The following CSMD1 variants were observed in gnomAD, a reference collection of about 807,000 sequenced individuals.
CSMD1 encodes CUB and Sushi multiple domains 1, also known as CUB and sushi domain-containing protein 1.
CSMD1 carries 213 observed loss-of-function variants against 417.5 expected under a neutral mutation model. That is an observed-to-expected ratio of 0.51 (90% CI 0.46 to 0.57). The LOEUF is 0.57. Ranked by LOEUF, CSMD1 falls within the 20% of genes least tolerant of loss-of-function variation. CSMD1 has a pLI of 0.00. For synonymous variants in CSMD1, 2,862 were observed against 1,736.8 expected, an observed-to-expected ratio of 1.65 and a Z score of -16.11; for missense variants, 6,923 against 4,529.7, an observed-to-expected ratio of 1.53 and a Z score of -15.17.
chr8:3,306,878 T>TTTAAA (rs1214386839), intron 25 of CSMD1, among the ~76,000 whole-genome samples: 35 of 152,202 alleles, frequency 2.3e-4, no homozygotes, highest in African/African-American at 8.2e-4. Context: ...TTTTTGTTGG[T>TTTAAA]TTAAATAACT....
intron 3 of CSMD1, among the ~76,000 whole-genome samples, chr8:4,345,881 A>G (rs1235732057): frequency 6.6e-6 from 1 of 152,176 alleles, no homozygotes; most frequent in East Asian, 1.9e-4. Context: ...ACAGGCAGAC[A>G]GGTGATGAGT....
intron 12 of CSMD1, among the ~76,000 whole-genome samples, chr8:3,461,492 C>T (rs76910720): frequency 0.034 from 5,191 of 152,280 alleles, 163 homozygotes; most frequent in East Asian, 0.15. Flanking sequence ...CTCACCTCCA[C>T]CCCAGGAGCT....
intron 11 of CSMD1, among the ~76,000 whole-genome samples, chr8:3,474,002 G>A (rs753738041): frequency 9.9e-5 from 15 of 152,060 alleles, no homozygotes; most frequent in Non-Finnish European, 2.1e-4. Context: ...TCACCATTAT[G>A]AGAACAGCAT....
At chr8:4,713,188 T>G (rs1044390934) in intron 1 of CSMD1, among the ~76,000 whole-genome samples, 10 of 152,242 alleles carry the variant, frequency 6.6e-5, no homozygotes. Flanking sequence ...ATTAAATCAT[T>G]ATCAACCATT....
intron 5 of CSMD1, among the ~76,000 whole-genome samples, chr8:3,818,992 G>C (rs1297164824): frequency 6.6e-6 from 1 of 152,194 alleles, no homozygotes; most frequent in African/African-American, 2.4e-5. Context: ...GGGAAAAGCT[G>C]ACATCAATGA....
chr8:3,484,315 A>G (rs1159559731), intron 11 of CSMD1, among the ~76,000 whole-genome samples: 1 of 152,230 alleles, frequency 6.6e-6, no homozygotes, highest in African/African-American at 2.4e-5. Context: ...TGAAGGCAGA[A>G]AAGCAGTTCA....
intron 3 of CSMD1, among the ~76,000 whole-genome samples, chr8:4,203,841 T>G (rs1436752737): frequency 1.3e-5 from 2 of 152,194 alleles, no homozygotes; most frequent in Non-Finnish European, 2.9e-5. Flanking sequence ...GGCTCATACC[T>G]GTAATCCCAG....
At chr8:4,127,863 C>G (rs1802858552) in intron 3 of CSMD1, among the ~76,000 whole-genome samples, 1 of 152,074 alleles carries the variant, frequency 6.6e-6, no homozygotes, top group South Asian at 2.1e-4. Context: ...GATGAAGAAA[C>G]CCAGACACTG....
chr8:3,550,925 T>C (rs1798882556), intron 10 of CSMD1, among the ~76,000 whole-genome samples: 1 of 152,200 alleles, frequency 6.6e-6, no homozygotes, highest in Non-Finnish European at 1.5e-5. Flanking sequence ...CATGCAAATG[T>C]GTCTCTGCTT....
chr8:4,359,486 C>G (rs1369149380), intron 3 of CSMD1, among the ~76,000 whole-genome samples: 1 of 152,172 alleles, frequency 6.6e-6, no homozygotes, highest in Non-Finnish European at 1.5e-5. Flanking sequence ...TGAATCCTTC[C>G]TCTTTGTCTC....
intron 25 of CSMD1, among the ~76,000 whole-genome samples, chr8:3,285,330 A>G (rs1296450333): frequency 6.6e-6 from 1 of 152,114 alleles, no homozygotes; most frequent in East Asian, 1.9e-4. Context: ...AATATAGAGA[A>G]AAGTATAGCA....
intron 1 of CSMD1, among the ~76,000 whole-genome samples, chr8:4,879,518 G>A (rs772406240): frequency 6.6e-6 from 1 of 152,086 alleles, no homozygotes; most frequent in Non-Finnish European, 1.5e-5. Flanking sequence ...ATAAGGGACA[G>A]AAATACATAA....
chr8:3,136,083 C>T (rs1818063608), intron 41 of CSMD1, among the ~76,000 whole-genome samples: 1 of 152,100 alleles, frequency 6.6e-6, no homozygotes, highest in African/African-American at 2.4e-5. Context: ...TGGGGAACAT[C>T]CTGGATCTTT....
Position 3,228,755 on chromosome 8 carries a change from C to G in CSMD1, c.4345+1285G>C, listed in dbSNP as rs570594394. Among the ~76,000 whole-genome samples the G allele has an allele frequency of 2.0e-5, 3 of 151,450 alleles. No individual in the cohort carries two copies. In the East Asian group the frequency reaches 5.8e-4, roughly 29 times the overall value. On this transcript the variant is annotated intron_variant, in intron 27 of 69. Coordinates refer to ENST00000635120, the MANE Select transcript of CSMD1 (RefSeq NM_033225.6). ...TATTGCTTTTTAATGTATTCCTCCA[C>G]GAGCCTAAAAACATGCAAAATGGAA... is the stretch of plus-strand genomic sequence containing the variant.
chr8:4,498,638 C>G (rs111830167), intron 2 of CSMD1, among the ~76,000 whole-genome samples: 3 of 152,232 alleles, frequency 2.0e-5, no homozygotes, highest in Admixed American at 6.5e-5. Flanking sequence ...AAAGTTACTT[C>G]TTTCTAATTT....
intron 12 of CSMD1, among the ~76,000 whole-genome samples, chr8:3,443,570 C>T (rs28438564): frequency 0.12 from 18,007 of 152,166 alleles, 1,122 homozygotes; most frequent in Middle Eastern, 0.16. Flanking sequence ...GAAAGTGAAA[C>T]AGTTTAGAAG....
chr8:4,638,847 G>A (rs1474945554), intron 1 of CSMD1, among the ~76,000 whole-genome samples: 1 of 152,146 alleles, frequency 6.6e-6, no homozygotes, highest in Non-Finnish European at 1.5e-5. Context: ...AGTGTCTGAG[G>A]AACTGATTTC....
At chr8:3,449,306 A>T (rs1271300740) in intron 12 of CSMD1, among the ~76,000 whole-genome samples, 1 of 152,202 alleles carries the variant, frequency 6.6e-6, no homozygotes, top group African/African-American at 2.4e-5. Context: ...TGCTTTTAAA[A>T]ATGTGAATCC....
At chr8:4,453,814 C>CTTTTCTT (rs1799299728) in intron 2 of CSMD1, among the ~76,000 whole-genome samples, 1 of 67,726 alleles carries the variant, frequency 1.5e-5, no homozygotes, top group Non-Finnish European at 2.6e-5. Flanking sequence ...CAATTCGTTT[C>CTTTTCTT]TTTTTTTTTT....
Sources: gnomAD v4.1 joint callset for allele counts (sites outside exome capture counted in the v4.1 genomes callset) on GRCh38, gnomAD v4.1.1 for gene constraint, MANE v1.5 for transcripts, NCBI Gene and HGNC (gene_info 2026-07-23, HGNC 2026-07-21) for gene names.